The following TRPC7 variants were observed in gnomAD, a reference collection of about 807,000 sequenced individuals.
TRPC7 encodes transient receptor potential cation channel subfamily C member 7.
Under a neutral mutation model 90.1 loss-of-function variants are expected in TRPC7, and 42 were observed. The ratio of observed to expected loss-of-function variants is 0.47; its 90% CI spans 0.36 to 0.60. The LOEUF is 0.60. TRPC7 is among the 20% of genes least tolerant of loss of function. TRPC7 has a pLI of 0.00. For synonymous variants in TRPC7, 451 were observed against 436.3 expected, an observed-to-expected ratio of 1.03 and a Z score of -0.42; for missense variants, 955 against 1,112.3, an observed-to-expected ratio of 0.86 and a Z score of 2.01.
intron 7 of TRPC7, among the ~76,000 whole-genome samples, chr5:136,235,343 G>A (rs1755949897): frequency 6.6e-6 from 1 of 152,206 alleles, no homozygotes; most frequent in African/African-American, 2.4e-5. Context: ...TGCCATGCTA[G>A]TGTCATCTTC....
At chr5:136,355,431 T>C (rs1051284393) in intron 2 of TRPC7, among the ~76,000 whole-genome samples, 11 of 152,258 alleles carry the variant, frequency 7.2e-5, no homozygotes, top group Non-Finnish European at 1.6e-4. Context: ...TCATGTCATA[T>C]GGTTGCTGAG....
At chr5:136,273,754 A>G (rs1757275140) in intron 4 of TRPC7, among the ~76,000 whole-genome samples, 1 of 152,212 alleles carries the variant, frequency 6.6e-6, no homozygotes, top group Non-Finnish European at 1.5e-5. Flanking sequence ...CCTAAGCTTA[A>G]TTCCTTTTTA....
At chr5:136,320,680 C>T (rs1039647985) in intron 2 of TRPC7, among the ~76,000 whole-genome samples, 7 of 152,150 alleles carry the variant, frequency 4.6e-5, no homozygotes, top group Middle Eastern at 3.2e-3. Flanking sequence ...GGGTCTCCCC[C>T]GGATTCAGTC....
At chr5:136,304,689 A>G (rs1260228480) in intron 3 of TRPC7, among the ~76,000 whole-genome samples, 1 of 152,202 alleles carries the variant, frequency 6.6e-6, no homozygotes, top group African/African-American at 2.4e-5. Context: ...CTTCACAGAC[A>G]GCCCCCATTA....
intron 7 of TRPC7, among the ~76,000 whole-genome samples, chr5:136,233,180 G>A (rs931125242): frequency 2.0e-5 from 3 of 152,186 alleles, no homozygotes; most frequent in Non-Finnish European, 4.4e-5. Context: ...TTTGAAGTGG[G>A]ATTCTATTGT....
chr5:136,214,880 A>G (rs1202441769), intron 11 of TRPC7, among the ~76,000 whole-genome samples: 1 of 152,206 alleles, frequency 6.6e-6, no homozygotes, highest in East Asian at 1.9e-4. Flanking sequence ...TGTCATAAGT[A>G]TCTCATTAAT....
intron 2 of TRPC7, among the ~76,000 whole-genome samples, chr5:136,354,493 TC>T (rs1760300553): frequency 6.6e-6 from 1 of 152,178 alleles, no homozygotes; most frequent in Non-Finnish European, 1.5e-5. Context: ...GGCCTTTCTG[TC>T]CCTGGCTTAT....
At chr5:136,344,193 T>C (rs1759932902) in intron 2 of TRPC7, among the ~76,000 whole-genome samples, 1 of 152,140 alleles carries the variant, frequency 6.6e-6, no homozygotes, top group Non-Finnish European at 1.5e-5. Flanking sequence ...ATACTGCATG[T>C]TTTCACTTAC....
intron 3 of TRPC7, among the ~76,000 whole-genome samples, chr5:136,297,436 C>T (rs1163500459): frequency 6.6e-6 from 1 of 151,754 alleles, no homozygotes; most frequent in African/African-American, 2.4e-5. Context: ...GAATAATAAG[C>T]ATAAAAAAAT....
At chr5:136,267,689 TAAC>T (rs1373210761) in intron 4 of TRPC7, among the ~76,000 whole-genome samples, 2 of 152,258 alleles carry the variant, frequency 1.3e-5, no homozygotes, top group African/African-American at 4.8e-5. Context: ...GTTATTAGCA[TAAC>T]ATTATTATGA....
intron 3 of TRPC7, chr5:136,314,475 C>T (rs1758943435): frequency 6.6e-6 from 1 of 152,214 alleles, no homozygotes; most frequent in Admixed American, 6.5e-5. Context: ...TAATATTAAT[C>T]TCAAAGGCCA....
intron 7 of TRPC7, among the ~76,000 whole-genome samples, chr5:136,242,575 G>A (rs1489888862): frequency 6.6e-6 from 1 of 152,178 alleles, no homozygotes; most frequent in Non-Finnish European, 1.5e-5. Flanking sequence ...TGCCTGCATA[G>A]AGCCTGAAAT....
chr5:136,270,178 G>A lies in TRPC7; in HGVS notation c.1129-3742C>T, dbSNP rs761059051. ...TGTAACTAGAGGGATGTGTGTGTGC[G>A]CGCACACGTGGGCGGTGCATTTGCA... On this transcript the variant is annotated intron_variant, in intron 4 of 11. Transcript: ENST00000513104. Among the ~76,000 whole-genome samples, 48 of 152,252 alleles carry A rather than the reference G, an allele frequency of 3.2e-4. No homozygotes were observed. The Middle Eastern group carries it at 0.017, about 54-fold the overall frequency.
intron 3 of TRPC7, among the ~76,000 whole-genome samples, chr5:136,301,669 C>T (rs867030340): frequency 7.9e-5 from 12 of 152,164 alleles, no homozygotes; most frequent in South Asian, 4.1e-4. Flanking sequence ...CAAAACATTG[C>T]TCTTAACTTC....
intron 5 of TRPC7, among the ~76,000 whole-genome samples, chr5:136,261,304 T>C (rs1363149654): frequency 6.6e-6 from 1 of 152,234 alleles, no homozygotes; most frequent in Non-Finnish European, 1.5e-5. Flanking sequence ...TATAATATAG[T>C]GCCTAATAAC....
rs547630729 is a variant in TRPC7 at position 136,274,818 on chromosome 5, CAGTT to C, written c.979_982del (p.Asn327ValfsTer23). 4.7e-5 allele frequency: 74 copies of C among 1,574,246 alleles called. No homozygotes were observed. Among genetic ancestry groups the C allele is most frequent in the African/African-American group, 9.5e-5 (7 of 74,024 alleles). ...CCACATGGTAAGCAATTGCTGCTGACAGTTAGGATGAGCAACGAACTGTAAAAAC... is the reference window on the plus strand; with the variant it reads ...CCACATGGTAAGCAATTGCTGCTGACAGGATGAGCAACGAACTGTAAAAAC... On this transcript the variant is annotated frameshift_variant, in exon 4 of 12. Coordinates refer to ENST00000513104, the MANE Select transcript of TRPC7 (RefSeq NM_020389.3). LOFTEE classifies it high-confidence loss of function.
chr5:136,331,000 G>A (rs535481501), intron 2 of TRPC7, among the ~76,000 whole-genome samples: 13 of 152,246 alleles, frequency 8.5e-5, no homozygotes, highest in East Asian at 5.8e-4. Context: ...GAGTCCCCCC[G>A]CCAGCAGTGG....
At chr5:136,342,804 A>G (rs1488399916) in intron 2 of TRPC7, among the ~76,000 whole-genome samples, 1 of 152,252 alleles carries the variant, frequency 6.6e-6, no homozygotes, top group African/African-American at 2.4e-5. Context: ...TGTTTGAGAC[A>G]AACAAATCTA....
intron 3 of TRPC7, among the ~76,000 whole-genome samples, chr5:136,283,769 G>T (rs1375876575): frequency 6.6e-6 from 1 of 152,116 alleles, no homozygotes; most frequent in African/African-American, 2.4e-5. Flanking sequence ...CTTATTTCCT[G>T]CCCTTTCATT....
Sources: gnomAD v4.1 joint callset for allele counts (sites outside exome capture counted in the v4.1 genomes callset) on GRCh38, gnomAD v4.1.1 for gene constraint, MANE v1.5 for transcripts, NCBI Gene and HGNC (gene_info 2026-07-23, HGNC 2026-07-21) for gene names.